DUSP19: variants seen among roughly 807,000 people sequenced by gnomAD.
The protein encoded by DUSP19 is dual specificity protein phosphatase 19.
DUSP19 carries 14 observed loss-of-function variants against 16.6 expected under a neutral mutation model. The ratio of observed to expected loss-of-function variants is 0.84; its 90% CI spans 0.56 to 1.32. The LOEUF (loss-of-function observed/expected upper bound fraction) is 1.32, where lower values mean the gene tolerates loss of function less well. DUSP19 is among the 40% of genes most tolerant of loss of function. The probability of loss-of-function intolerance (pLI) is 0.00; values close to 1 mark genes in which losing one functional copy is unlikely to be tolerated. For synonymous variants in DUSP19, 81 were observed against 90.5 expected (o/e 0.90, Z 0.59); for missense variants, 258 against 255.9 (o/e 1.01, Z -0.06).
chr2:183,082,110 C>T (rs1245136501), intron 1 of DUSP19, among the ~76,000 whole-genome samples: 3 of 152,152 alleles, frequency 2.0e-5, no homozygotes, highest in Non-Finnish European at 2.9e-5. Context: ...TGGGTGGGAT[C>T]CTGCAGACCA....
chr2:183,082,900 T>A (rs2675080), intron 1 of DUSP19, among the ~76,000 whole-genome samples: 12,452 of 148,362 alleles, frequency 0.084, 686 homozygotes, highest in Non-Finnish European at 0.12. Flanking sequence ...TTTCTTTTCT[T>A]ATCTTTTCTT....
At chr2:183,094,863 G>A (rs1253572907) in intron 3 of DUSP19, among the ~76,000 whole-genome samples, 1 of 152,122 alleles carries the variant, frequency 6.6e-6, no homozygotes, top group Non-Finnish European at 1.5e-5. Context: ...AGAACACTAA[G>A]TATACTCTGG....
chr2:183,091,535 C>T (rs1006637203), intron 3 of DUSP19, among the ~76,000 whole-genome samples: 3 of 152,146 alleles, frequency 2.0e-5, no homozygotes, highest in Non-Finnish European at 4.4e-5. Flanking sequence ...ATCCTGCAGT[C>T]AGTCTGATTG....
chr2:183,089,112 C>A (rs564996301), intron 3 of DUSP19, among the ~76,000 whole-genome samples: 1 of 152,190 alleles, frequency 6.6e-6, no homozygotes, highest in Non-Finnish European at 1.5e-5. Context: ...AAAAATAAAG[C>A]CTGAGATGAG....
intron 3 of DUSP19, among the ~76,000 whole-genome samples, chr2:183,090,474 T>C (rs558885635): frequency 6.6e-6 from 1 of 152,386 alleles, no homozygotes; most frequent in Admixed American, 6.5e-5. Context: ...GTACAAAGTA[T>C]AACAATGTGT....
intron 3 of DUSP19, among the ~76,000 whole-genome samples, chr2:183,088,464 A>C (rs1276441435): frequency 2.3e-5 from 3 of 131,690 alleles, no homozygotes; most frequent in African/African-American, 8.9e-5. Context: ...GGAGTGCAGT[A>C]GTGTGATCTC....
chr2:183,087,012 A>G lies in DUSP19; in HGVS notation c.274-28A>G, dbSNP rs546894443. The G allele has an allele frequency of 6.3e-6, 10 of 1,596,006 alleles. No homozygotes were observed. The South Asian group carries it at 8.0e-5, about 13-fold the overall frequency. ...GGTAACCTAATTCATGGGATTTAAA[A>G]CAATCATCTTTTTTCTTTCTCTTTA... On this transcript the variant is annotated intron_variant, in intron 2 of 3. Transcript: ENST00000354221.
rs1699850854 is a variant in DUSP19 at position 183,099,789 on chromosome 2, C to T, written c.*4131C>T. ...GCCAAGGAGATGGATCACTTGAGGCCAGGAGTTCAAGACCAGCCTGGCCAA... is the reference window on the plus strand; with the variant it reads ...GCCAAGGAGATGGATCACTTGAGGCTAGGAGTTCAAGACCAGCCTGGCCAA... On this transcript the variant is annotated 3_prime_UTR_variant, in exon 4 of 4. Transcript: ENST00000354221. 3 of 151,818 alleles carry T rather than the reference C, an allele frequency of 2.0e-5. No individual in the cohort carries two copies. The South Asian group carries it at 6.2e-4, about 32-fold the overall frequency. 9.4% of individuals were successfully genotyped at this position (151,818 alleles called of 1,614,324 possible). A position where few individuals can be genotyped will look rare whatever the true frequency, so the allele number is the denominator to read the frequency against.
At position 183,079,179 on chromosome 2, in the gene DUSP19, AC is replaced by A. The variant is rs749468392; in HGVS notation, c.226+21del. ...TCCTAGGTGAGTATATCGACTTGCCACTAGATCATTGAGTCCTTTTAGCCAG... is the reference window on the plus strand; with the variant it reads ...TCCTAGGTGAGTATATCGACTTGCCATAGATCATTGAGTCCTTTTAGCCAG... On this transcript the variant is annotated intron_variant, in intron 1 of 3. Transcript: ENST00000354221. The A allele has an allele frequency of 1.2e-6, 2 of 1,604,128 alleles. No individual in the cohort carries two copies. Among genetic ancestry groups the A allele is most frequent in the Non-Finnish European group, 1.7e-6 (2 of 1,173,422 alleles).
intron 1 of DUSP19, among the ~76,000 whole-genome samples, chr2:183,082,830 C>G (rs544244279): frequency 3.0e-4 from 45 of 149,888 alleles, no homozygotes; most frequent in East Asian, 2.0e-3. Flanking sequence ...TCGTTCGTTC[C>G]TTCCTTCCTC....
chr2:183,079,205 G>A, intron 1 of DUSP19, 46 bp downstream of exon 1: 2 of 1,545,950 alleles, frequency 1.3e-6, no homozygotes, highest in South Asian at 2.4e-5. Flanking sequence ...CTTTTAGCCA[G>A]ATTACGTTCT....
At chr2:183,082,886 G>T (rs1367304035) in intron 1 of DUSP19, among the ~76,000 whole-genome samples, 2 of 87,836 alleles carry the variant, frequency 2.3e-5, no homozygotes, top group Non-Finnish European at 4.2e-5. Flanking sequence ...GTCTTGTCTT[G>T]TCTTTTCTTT....
At chr2:183,083,665 C>A in intron 2 of DUSP19, 111 bp downstream of exon 2, 1 of 826,694 alleles carries the variant, frequency 1.2e-6, no homozygotes, top group Non-Finnish European at 1.8e-6. Context: ...TATTTGGTAA[C>A]ATTTTGGCTA....
In DUSP19 at chr2:183,078,982, A is replaced by G; in HGVS notation, c.49A>G (p.Arg17Gly). The change falls in exon 1 of 4, where the codon AGG becomes GGG. Residue 17 changes from arginine to glycine, a missense_variant. Coordinates refer to ENST00000354221, the MANE Select transcript of DUSP19 (RefSeq NM_080876.4). ...EIKAFSRNNLRKQCTRVTTLT... is the reference protein window; with the variant it reads ...EIKAFSRNNLGKQCTRVTTLT... Reference sequence around the variant, plus strand: ...TAAAGCATTCTCCCGGAATAATCTCAGGAAGCAATGCACCAGGGTGACAAC... The same window carrying G: ...TAAAGCATTCTCCCGGAATAATCTCGGGAAGCAATGCACCAGGGTGACAAC... 6.2e-7 allele frequency: 1 copy of G among 1,614,212 alleles called. No individual in the cohort carries two copies. Among genetic ancestry groups the G allele is most frequent in the South Asian group, 1.1e-5 (1 of 91,088 alleles).
rs111937971 is a variant in DUSP19, at chr2:183,087,065, A to T, written c.299A>T (p.Tyr100Phe). The T allele has an allele frequency of 1.4e-4, 222 of 1,612,250 alleles. 6 individuals are homozygous for T. In the African/African-American group the frequency reaches 2.3e-3, roughly 17 times the overall value. Residue 100 changes from tyrosine to phenylalanine, a missense_variant, in exon 3 of 4, where the codon TAT (tyrosine) becomes TTT (phenylalanine). By Grantham distance (22) the Tyr-to-Phe change is conservative. Transcript: ENST00000354221. ...NKVTHILNVA[Y>F]GVENAFLSDF... ...GTGACTCATATTCTTAATGTTGCAT[A>T]TGGAGTTGAAAATGCTTTCCTCAGT...
At chr2:183,088,711 C>T (rs1460833566) in intron 3 of DUSP19, among the ~76,000 whole-genome samples, 1 of 152,156 alleles carries the variant, frequency 6.6e-6, no homozygotes, top group African/African-American at 2.4e-5. Context: ...GCATGAGCCA[C>T]TGCACCTGGC....
intron 2 of DUSP19, 60 bp from the exon 3 acceptor site, chr2:183,086,980 C>G: frequency 6.5e-7 from 1 of 1,542,490 alleles, no homozygotes; most frequent in Non-Finnish European, 8.8e-7. Context: ...ACCCCAGTCT[C>G]TTTTTAGGTA....
chr2:183,083,724 G>A (rs1406281998), intron 2 of DUSP19, among the ~76,000 whole-genome samples, 170 bp downstream of exon 2: 1 of 152,056 alleles, frequency 6.6e-6, no homozygotes, highest in Non-Finnish European at 1.5e-5. Context: ...CAAATATGTG[G>A]ATCTGTAATC....
rs1699824665 is a variant in DUSP19, at chr2:183,097,911, G to T, written c.*2253G>T. On this transcript the variant is annotated 3_prime_UTR_variant, in exon 4 of 4. Transcript: ENST00000354221. ...TCTTAATGATATTATTATTATTTGA[G>T]ACAGAGTTTTGCTCTTATTGCCCAG... 2 of 152,006 alleles carry T rather than the reference G, an allele frequency of 1.3e-5. No homozygotes were observed. The highest frequency in any genetic ancestry group is 2.9e-5 in the Non-Finnish European group (2 of 68,008). The allele number at this position is 152,006 out of a possible 1,614,324, so 9.4% of individuals were successfully genotyped here.
Sources: allele counts gnomAD v4.1 joint callset (sites outside exome capture counted in the v4.1 genomes callset), GRCh38; gene constraint gnomAD v4.1.1; transcripts MANE v1.5; gene names NCBI Gene and HGNC (gene_info 2026-07-23, HGNC 2026-07-21).